The following HTT variants were observed in gnomAD, a reference collection of about 807,000 sequenced individuals.
The protein encoded by HTT is huntingtin, also known as huntington disease protein.
In HTT, 104 loss-of-function variants were observed where a neutral mutation model predicts 362.3. The ratio of observed to expected loss-of-function variants is 0.29; its 90% confidence interval spans 0.24 to 0.34. The LOEUF (loss-of-function observed/expected upper bound fraction) is 0.34. HTT is among the 10% of genes least tolerant of loss of function. HTT has a pLI of 1.00. For missense variants in HTT, 3,301 were observed against 3,928.6 expected, an observed-to-expected ratio of 0.84 and a Z score of 4.27; for synonymous variants, 1,577 against 1,548.7, an observed-to-expected ratio of 1.02 and a Z score of -0.43.
rs768423958 is a variant in HTT, at chr4:3,235,275, C to T, written c.8457-9C>T. On this transcript the variant is annotated splice_polypyrimidine_tract_variant and intron_variant, in intron 61 of 66. Coordinates refer to ENST00000355072, the MANE Select transcript of HTT (RefSeq NM_001388492.1). ...GTGGCTGAGCCTGGATGCTGTCTCC[C>T]GTTTTCAGCTGCGTGAACATTCACA... 2.4e-5 allele frequency: 39 copies of T among 1,595,732 alleles called. No homozygotes were observed. The highest frequency in any genetic ancestry group is 2.0e-4 in the African/African-American group (15 of 74,572).
At chr4:3,142,960 T>TGGTC in intron 23 of HTT, 74 bp downstream of exon 23, 2 of 1,214,620 alleles carry the variant, frequency 1.6e-6, no homozygotes, top group Non-Finnish European at 2.4e-6. Context: ...GTTAGTTGTA[T>TGGTC]GGTCATCTTA....
chr4:3,233,751 C>T (rs1296068948), intron 61 of HTT, among the ~76,000 whole-genome samples: 1 of 152,230 alleles, frequency 6.6e-6, no homozygotes, highest in African/African-American at 2.4e-5. Context: ...ACTGTGATTC[C>T]GACCTCACCT....
chr4:3,127,378 A>G lies in HTT; in HGVS notation c.1517A>G (p.Gln506Arg). The G allele has an allele frequency of 6.2e-7, 1 of 1,614,186 alleles. No individual in the cohort carries two copies. The highest frequency in any genetic ancestry group is 8.5e-7 in the Non-Finnish European group (1 of 1,180,016). Residue 506 changes from glutamine (Q) to arginine (R), a missense_variant, in exon 12 of 67, where the codon CAG becomes CGG. By Grantham distance (43) the Gln-to-Arg change is conservative. Around this residue, in one of 4 missense-constraint regions of HTT, gnomAD observed 2,316 missense variants for 2,658.5 expected, o/e 0.87. Coordinates refer to ENST00000355072, the MANE Select transcript of HTT (RefSeq NM_001388492.1). ...CAGCCACGGTCACAGCACACACTGC[A>G]GGCGGACTCAGTGGATCTGGCCAGC... is the stretch of plus-strand genomic sequence containing the variant. The part of the protein sequence containing the change: ...TEQPRSQHTL[Q>R]ADSVDLASCD...
At chr4:3,102,663 C>T (rs16843804) in intron 3 of HTT, among the ~76,000 whole-genome samples, 36,991 of 152,084 alleles carry the variant, frequency 0.24, 5,779 homozygotes, top group East Asian at 0.42. Context: ...CTGCCCATGC[C>T]ACGGTTAAAG....
In HTT at chr4:3,175,029, G is replaced by T. The variant is rs1718173687; in HGVS notation, c.4329G>T (p.Gln1443His). The T allele has an allele frequency of 1.2e-5, 19 of 1,613,834 alleles. No individual in the cohort carries two copies. Among genetic ancestry groups the T allele is most frequent in the Non-Finnish European group, 1.6e-5 (19 of 1,179,796 alleles). ...LKQYTTTTCV[Q>H]LQKQVLDLLA... ...AGTACACGACTACAACATGTGTGCA[G>T]TTACAGAAGCAGGTTTTAGATTTGC... The change falls in exon 33 of 67, where the codon CAG (glutamine) becomes CAT (histidine). Residue 1443 changes from glutamine to histidine, a missense_variant. This residue lies in a region of HTT where 2,316 missense variants were observed against 2,658.5 expected (regional missense o/e 0.87). Transcript: ENST00000355072.
intron 65 of HTT, 72 bp from the exon 66 acceptor site, chr4:3,238,746 C>G: frequency 8.5e-7 from 1 of 1,178,178 alleles, no homozygotes; most frequent in Non-Finnish European, 1.2e-6. Flanking sequence ...ACCCCACCCC[C>G]GCCACCCAGG....
Position 3,240,241 on chromosome 4 carries a change from A to G in HTT, c.*182A>G, listed in dbSNP as rs1184545384. ...AGAAGTGCTCTTTGTGGCAGTGGCC[A>G]GGCAGGGAGTGTCTGCAGTCCTGGT... On this transcript the variant is annotated 3_prime_UTR_variant, in exon 67 of 67. Transcript: ENST00000355072. The G allele has an allele frequency of 3.2e-6, 2 of 616,520 alleles. No individual in the cohort carries two copies. The highest frequency in any genetic ancestry group is 5.7e-6 in the Non-Finnish European group (2 of 349,358). 38.2% of individuals were successfully genotyped at this position (616,520 alleles called of 1,614,324 possible). A position where few individuals can be genotyped will look rare whatever the true frequency, so the allele number is the denominator to read the frequency against.
chr4:3,160,172 C>T, intron 28 of HTT, 110 bp from the exon 29 acceptor site: 1 of 716,560 alleles, frequency 1.4e-6, no homozygotes, highest in South Asian at 1.6e-5. Flanking sequence ...GTGTACGGCG[C>T]CGCACAGTGG....
At chr4:3,157,597 G>A (rs1007491518) in intron 28 of HTT, among the ~76,000 whole-genome samples, 8 of 152,184 alleles carry the variant, frequency 5.3e-5, no homozygotes, top group African/African-American at 1.4e-4. Flanking sequence ...CAGACTCACA[G>A]AAGAAAAGCA....
Position 3,239,838 on chromosome 4 carries a change from T to C in HTT, c.9216-8T>C. On this transcript the variant is annotated splice_polypyrimidine_tract_variant and splice_region_variant and intron_variant, in intron 66 of 66. Transcript: ENST00000355072. ...TTTGCCGGCCTTTTTCCTTAACTCC[T>C]GCACCAGCCTCCCACATGTCATCAG... is the stretch of plus-strand genomic sequence containing the variant. 1 of 1,552,426 alleles carries C rather than the reference T, an allele frequency of 6.4e-7. No individual in the cohort carries two copies. Among genetic ancestry groups the C allele is most frequent in the Admixed American group, 2.0e-5 (1 of 51,144 alleles).
intron 44 of HTT, 141 bp downstream of exon 44, chr4:3,207,124 GT>G: frequency 9.5e-7 from 1 of 1,051,616 alleles, no homozygotes; most frequent in Non-Finnish European, 1.4e-6. Flanking sequence ...CAAACTTGCC[GT>G]TACTCGTGTG....
intron 39 of HTT, chr4:3,188,101 CT>C: frequency 2.0e-6 from 1 of 494,138 alleles, no homozygotes; most frequent in Non-Finnish European, 3.6e-6. Context: ...GTCTCTTGTC[CT>C]CAGTAGAGAT....
chr4:3,105,527 G>A, intron 5 of HTT, 91 bp downstream of exon 5: 2 of 880,024 alleles, frequency 2.3e-6, no homozygotes, highest in South Asian at 2.7e-5. Flanking sequence ...TCAAAAGTCT[G>A]CTCTGCCCTC....
chr4:3,088,305 G>A (rs528158186), intron 2 of HTT, among the ~76,000 whole-genome samples: 1 of 150,888 alleles, frequency 6.6e-6, no homozygotes, highest in South Asian at 2.1e-4. Context: ...TCCTGCTTCA[G>A]CCTGGCGAGT....
At chr4:3,200,535 C>T (rs538464861) in intron 41 of HTT, among the ~76,000 whole-genome samples, 25 of 152,290 alleles carry the variant, frequency 1.6e-4, no homozygotes, top group African/African-American at 5.8e-4. Context: ...CCCTGGCCCC[C>T]GCCCAGCTGA....
chr4:3,075,648 A>AGGGGGG (rs368641776), intron 1 of HTT, among the ~76,000 whole-genome samples: 3 of 54,352 alleles, frequency 5.5e-5, no homozygotes, highest in South Asian at 9.8e-4. Context: ...GTGGCGGGGC[A>AGGGGGG]GGGGGGGGGC....
intron 55 of HTT, 54 bp from the exon 56 acceptor site, chr4:3,223,938 C>T: frequency 1.3e-6 from 2 of 1,593,994 alleles, no homozygotes; most frequent in Non-Finnish European, 1.7e-6. Context: ...GTGTTTTTCA[C>T]TTGTAAGATT....
rs979294663 is a variant in HTT, at chr4:3,116,063, T to A, written c.890-22T>A. On this transcript the variant is annotated intron_variant, in intron 7 of 66. Transcript: ENST00000355072. ...CCAAACAGTGAGTCAGATGTTAAGA[T>A]GTCTTGCTTCCACCCCCACAGGCTT... The A allele has an allele frequency of 2.5e-6, 4 of 1,592,736 alleles. No homozygotes were observed. The South Asian group carries it at 3.3e-5, about 13-fold the overall frequency.
At chr4:3,102,148 A>C (rs530255482) in intron 3 of HTT, among the ~76,000 whole-genome samples, 1 of 152,306 alleles carries the variant, frequency 6.6e-6, no homozygotes, top group East Asian at 1.9e-4. Context: ...GAGGGAGTCC[A>C]GGTGGGAGTG....
Sources: gnomAD v4.1 joint callset for allele counts (sites outside exome capture counted in the v4.1 genomes callset) on GRCh38, gnomAD v4.1.1 for gene constraint, gnomAD v4.1.1 regional missense constraint, MANE v1.5 for transcripts, NCBI Gene and HGNC (gene_info 2026-07-23, HGNC 2026-07-21) for gene names.